Variants in KIAA1671 observed in about 807,000 individuals in gnomAD.
KIAA1671 encodes KIAA1671.
Under a neutral mutation model 131.2 loss-of-function variants are expected in KIAA1671, and 52 were observed. That is an observed-to-expected ratio of 0.40 (90% CI 0.32 to 0.50). The LOEUF (loss-of-function observed/expected upper bound fraction) is 0.50. Among genes scored for constraint, KIAA1671 ranks in the 20% least tolerant of loss-of-function variants. KIAA1671 has a pLI of 0.73. For synonymous variants in KIAA1671, 1,003 were observed against 961.6 expected, an observed-to-expected ratio of 1.04 and a Z score of -0.80; for missense variants, 2,360 against 2,364.2, an observed-to-expected ratio of 1.00 and a Z score of 0.04.
At chr22:25,024,741 C>T (rs1186407734) in intron 1 of KIAA1671, 1 of 152,200 alleles carries the variant, frequency 6.6e-6, no homozygotes, top group Non-Finnish European at 1.5e-5. Context: ...AATCATGTAT[C>T]TGGTGCTTTT....
intron 6 of KIAA1671, among the ~76,000 whole-genome samples, chr22:25,068,649 G>T (rs544283150): frequency 1.2e-3 from 182 of 152,196 alleles, no homozygotes; most frequent in Non-Finnish European, 2.0e-3. Flanking sequence ...TGTTAGCCAG[G>T]ATGGTCTCGA....
chr22:25,051,926 A>G (rs1927552872), intron 6 of KIAA1671: 1 of 152,230 alleles, frequency 6.6e-6, no homozygotes, highest in African/African-American at 2.4e-5. Context: ...GCCAATTCCT[A>G]CTTCAGCCTC....
chr22:25,184,964 C>G lies in KIAA1671; in HGVS notation c.5200-13C>G, dbSNP rs982553215. On this transcript the variant is annotated splice_polypyrimidine_tract_variant and intron_variant, in intron 10 of 12. Coordinates refer to ENST00000358431, the MANE Select transcript of KIAA1671 (RefSeq NM_001145206.2). ...AAGGGCAGCTTATAGACTCAGCTCTCTTTTCTCCCCAGGCTCAGCTGCACA... is the reference window on the plus strand; with the variant it reads ...AAGGGCAGCTTATAGACTCAGCTCTGTTTTCTCCCCAGGCTCAGCTGCACA... 1 of 1,551,154 alleles carries G rather than the reference C, an allele frequency of 6.4e-7. No individual in the cohort carries two copies.
rs1025793981 is a variant in KIAA1671 at position 25,028,632 on chromosome 22, G to A, written c.633G>A (p.Glu211=). 3.7e-5 allele frequency: 58 copies of A among 1,551,034 alleles called. No homozygotes were observed. The highest frequency in any genetic ancestry group is 4.9e-5 in the Non-Finnish European group (56 of 1,146,980). The part of the protein sequence containing the change: ...QDTKPPVPQE[E]AGQDHPPSKA... Reference sequence around the variant, plus strand: ...CAAAACCACCTGTACCCCAAGAGGAGGCAGGCCAAGACCATCCTCCCTCAA... The same window carrying A: ...CAAAACCACCTGTACCCCAAGAGGAAGCAGGCCAAGACCATCCTCCCTCAA... Residue 211 remains glutamate, a synonymous_variant, in exon 3 of 13, where the codon GAG becomes GAA. Transcript: ENST00000358431.
At chr22:24,978,251 G>A (rs1923016317) in intron 1 of KIAA1671, among the ~76,000 whole-genome samples, 1 of 152,112 alleles carries the variant, frequency 6.6e-6, no homozygotes, top group African/African-American at 2.4e-5. Flanking sequence ...TTTTGGTAGT[G>A]ATTAAGTCTC....
chr22:24,964,723 CCT>C (rs1922203990), intron 1 of KIAA1671, among the ~76,000 whole-genome samples: 2 of 152,268 alleles, frequency 1.3e-5, no homozygotes, highest in South Asian at 4.1e-4. Flanking sequence ...ATGCCCTACC[CCT>C]ATACATTGTT....
intron 6 of KIAA1671, among the ~76,000 whole-genome samples, chr22:25,149,605 C>G (rs1254300691): frequency 6.6e-6 from 1 of 152,078 alleles, no homozygotes; most frequent in Admixed American, 6.6e-5. Flanking sequence ...GGAAGACCCC[C>G]CACTTTTATT....
intron 1 of KIAA1671, among the ~76,000 whole-genome samples, chr22:24,955,984 C>T (rs894532816): frequency 1.4e-5 from 2 of 146,036 alleles, no homozygotes; most frequent in Non-Finnish European, 3.0e-5. Flanking sequence ...AAGATCATGC[C>T]ACTGCACTCC....
chr22:25,017,850 A>T (rs1383668618), intron 1 of KIAA1671, among the ~76,000 whole-genome samples: 1 of 152,148 alleles, frequency 6.6e-6, no homozygotes, highest in Admixed American at 6.5e-5. Context: ...CTTCGGTGTA[A>T]CAAGTGTTAC....
At chr22:25,036,110 C>T (rs1352147444) in intron 4 of KIAA1671, among the ~76,000 whole-genome samples, 3 of 152,014 alleles carry the variant, frequency 2.0e-5, no homozygotes, top group African/African-American at 7.2e-5. Context: ...GATGGAATTT[C>T]GCTCTTGTTG....
intron 6 of KIAA1671, among the ~76,000 whole-genome samples, chr22:25,153,392 A>G (rs1230316463): frequency 6.6e-6 from 1 of 152,186 alleles, no homozygotes; most frequent in Non-Finnish European, 1.5e-5. Flanking sequence ...TGGTGGCTGG[A>G]GTCCAGGGAT....
chr22:25,106,471 C>G (rs1276177895), intron 6 of KIAA1671, among the ~76,000 whole-genome samples: 1 of 152,168 alleles, frequency 6.6e-6, no homozygotes, highest in Non-Finnish European at 1.5e-5. Context: ...GAGGTACTAG[C>G]TGCATCGATG....
intron 6 of KIAA1671, among the ~76,000 whole-genome samples, chr22:25,166,713 A>T (rs1053129765): frequency 6.6e-6 from 1 of 152,184 alleles, no homozygotes; most frequent in Admixed American, 6.5e-5. Context: ...TTATCTGTTG[A>T]TACCTCAAAA....
intron 6 of KIAA1671, among the ~76,000 whole-genome samples, chr22:25,143,261 G>T (rs548223311): frequency 2.6e-5 from 4 of 152,310 alleles, no homozygotes; most frequent in South Asian, 2.1e-4. Flanking sequence ...CTCCCAAAGG[G>T]TTAGGAAGGA....
At chr22:25,047,201 A>G (rs1411687464) in intron 5 of KIAA1671, among the ~76,000 whole-genome samples, 1 of 140,660 alleles carries the variant, frequency 7.1e-6, no homozygotes, top group African/African-American at 2.7e-5. Context: ...CCCAGGCTGG[A>G]GTGCAGTGGC....
intron 6 of KIAA1671, chr22:25,069,933 A>G (rs1928718370): frequency 6.3e-6 from 1 of 158,488 alleles, no homozygotes; most frequent in African/African-American, 2.4e-5. Context: ...GCATGTACAC[A>G]CACACTCCTT....
chr22:25,168,362 T>C (rs1933716926), intron 6 of KIAA1671, among the ~76,000 whole-genome samples: 1 of 152,296 alleles, frequency 6.6e-6, no homozygotes, highest in Non-Finnish European at 1.5e-5. Context: ...TTGTGTAATA[T>C]AAATTATGTG....
At chr22:25,153,379 C>T (rs573568303) in intron 6 of KIAA1671, among the ~76,000 whole-genome samples, 1 of 152,176 alleles carries the variant, frequency 6.6e-6, no homozygotes. Context: ...GTGCTACTGA[C>T]ATTGGTGGCT....
chr22:25,020,813 C>T (rs1425106406), intron 1 of KIAA1671, among the ~76,000 whole-genome samples: 1 of 152,080 alleles, frequency 6.6e-6, no homozygotes, highest in Non-Finnish European at 1.5e-5. Context: ...TGCTGAAGTA[C>T]GTGAGTGTCT....
Sources: allele counts gnomAD v4.1 joint callset (sites outside exome capture counted in the v4.1 genomes callset), GRCh38; gene constraint gnomAD v4.1.1; transcripts MANE v1.5; gene names NCBI Gene and HGNC (gene_info 2026-07-23, HGNC 2026-07-21).